KLHL21: variants seen among roughly 807,000 people sequenced by gnomAD.
KLHL21 encodes the protein kelch like family member 21.
KLHL21 carries 42 observed loss-of-function variants against 44.1 expected under a neutral mutation model. That is an observed-to-expected ratio of 0.95 (90% CI 0.74 to 1.23). The LOEUF (loss-of-function observed/expected upper bound fraction) is 1.23. KLHL21 is among the 50% of genes most tolerant of loss of function. The pLI is 0.00. For synonymous variants in KLHL21, 524 were observed against 411.6 expected (o/e 1.27, Z -3.31); for missense variants, 918 against 889.1 (o/e 1.03, Z -0.41).
chr1:6,599,568 C>T, intron 1 of KLHL21, 116 bp from the exon 2 acceptor site: 1 of 1,101,866 alleles, frequency 9.1e-7, no homozygotes, highest in Non-Finnish European at 1.3e-6. Flanking sequence ...CACTGGGCTT[C>T]ACCCCAGACG....
chr1:6,596,674 G>GTGATGA (rs1180332202), intron 2 of KLHL21, among the ~76,000 whole-genome samples: 1 of 152,166 alleles, frequency 6.6e-6, no homozygotes, highest in Non-Finnish European at 1.5e-5. Context: ...TGTGGTGGTG[G>GTGATGA]TGATGATGAT....
chr1:6,594,880 T>C (rs1286532661), intron 3 of KLHL21: 1 of 153,044 alleles, frequency 6.5e-6, no homozygotes, highest in Non-Finnish European at 1.5e-5. Flanking sequence ...ATTTTAAGAA[T>C]ATCCTTTTGT....
At chr1:6,599,748 A>T in intron 1 of KLHL21, 1 of 425,322 alleles carries the variant, frequency 2.4e-6, no homozygotes, top group Non-Finnish European at 4.3e-6. Flanking sequence ...AGCCATACAT[A>T]CACCTCAGCA....
rs894309702 is a variant in KLHL21, at chr1:6,602,286, G to C, written c.532C>G (p.Leu178Val). The C allele has an allele frequency of 3.2e-6, 5 of 1,556,602 alleles. No individual in the cohort carries two copies. The highest frequency in any genetic ancestry group is 2.4e-5 in the East Asian group (1 of 41,664). The change falls in exon 1 of 4, where the codon CTG becomes GTG. Residue 178 changes from leucine (L) to valine (V), a missense_variant. Leu to Val is a conservative substitution (Grantham distance 32, BLOSUM62 1). Transcript: ENST00000377658. The stretch of plus-strand genomic sequence containing the variant: ...CGCAGGTAGCGCAGCAGGCGCGCCA[G>C]TGGCAGCCGCTCCAGCTGCTCGGCG... ...LGAEQLERLP[L>V]ARLLRYLRDD...
In KLHL21 at chr1:6,593,627, C is replaced by G. The variant is rs562159346; in HGVS notation, c.1532G>C (p.Gly511Ala). ...TCCCCCAGAGACGTACAGCTTCCCC[C>G]CAAGGACGGCCAGGCTGCCCCCCAC... is the stretch of plus-strand genomic sequence containing the variant. Reference protein sequence around the residue: ...VHVGGSLAVLGGKLYVSGGYD... With the variant: ...VHVGGSLAVLAGKLYVSGGYD... Residue 511 changes from glycine (G) to alanine (A), a missense_variant, in exon 4 of 4, where the codon GGG becomes GCG. Coordinates refer to ENST00000377658, the MANE Select transcript of KLHL21 (RefSeq NM_014851.4). 5.3e-5 allele frequency: 85 copies of G among 1,592,848 alleles called. No homozygotes were observed. In the Admixed American group the frequency reaches 1.3e-3, roughly 25 times the overall value.
intron 2 of KLHL21, 44 bp from the exon 3 acceptor site, chr1:6,595,601 G>A: frequency 6.5e-7 from 1 of 1,549,022 alleles, no homozygotes; most frequent in South Asian, 1.1e-5. Context: ...GAGCGAGGAG[G>A]AAGTGCACAC....
chr1:6,602,101 C>G lies in KLHL21; in HGVS notation c.717G>C (p.Glu239Asp). 1 of 1,474,444 alleles carries G rather than the reference C, an allele frequency of 6.8e-7. No individual in the cohort carries two copies. Among genetic ancestry groups the G allele is most frequent in the South Asian group, 1.3e-5 (1 of 75,272 alleles). 91.3% of individuals were successfully genotyped at this position (1,474,444 alleles called of 1,614,324 possible). A position where few individuals can be genotyped will look rare whatever the true frequency, so the allele number is the denominator to read the frequency against. The change falls in exon 1 of 4, where the codon GAG becomes GAC. Residue 239 changes from glutamate (E) to aspartate (D), a missense_variant. Transcript: ENST00000377658. ...GGCAGCGCGCCACCAGCGGCTCGGC[C>G]TCGACGTGCGCCAACAGGTAGAAGC... is the stretch of plus-strand genomic sequence containing the variant. Reference protein sequence around the residue: ...VRRFYLLAHVEAEPLVARCPP... With the variant: ...VRRFYLLAHVDAEPLVARCPP...
In KLHL21 at chr1:6,602,271, G is replaced by T. The variant is rs868402259; in HGVS notation, c.547C>A (p.Arg183Ser). 6.4e-7 allele frequency: 1 copy of T among 1,553,626 alleles called. No individual in the cohort carries two copies. Among genetic ancestry groups the T allele is most frequent in the South Asian group, 1.2e-5 (1 of 85,574 alleles). ...LERLPLARLL[R>S]YLRDDGLCVP... The stretch of plus-strand genomic sequence containing the variant: ...CACAGCCCGTCGTCCCGCAGGTAGC[G>T]CAGCAGGCGCGCCAGTGGCAGCCGC... Residue 183 changes from arginine (R) to serine (S), a missense_variant, in exon 1 of 4, where the codon CGC (arginine) becomes AGC (serine). Coordinates refer to ENST00000377658, the MANE Select transcript of KLHL21 (RefSeq NM_014851.4).
Position 6,593,525 on chromosome 1 carries a change from C to T in KLHL21, c.1634G>A (p.Arg545Gln), listed in dbSNP as rs774065064. Residue 545 changes from arginine to glutamine, a missense_variant, in exon 4 of 4, where the codon CGG becomes CAG. Coordinates refer to ENST00000377658, the MANE Select transcript of KLHL21 (RefSeq NM_014851.4). ...ATGCCAGAAGGTGGGTTCTGGGAGC[C>T]GCCCCACCACGCTCCACGCGCGAGT... The part of the protein sequence containing the change: ...PETRAWSVVG[R>Q]LPEPTFWHGS... The T allele has an allele frequency of 6.2e-6, 10 of 1,613,740 alleles. No individual in the cohort carries two copies. The highest frequency in any genetic ancestry group is 2.2e-5 in the East Asian group (1 of 44,898).
At chr1:6,600,787 CA>C (rs1641005574) in intron 1 of KLHL21, among the ~76,000 whole-genome samples, 1 of 152,234 alleles carries the variant, frequency 6.6e-6, no homozygotes, top group South Asian at 2.1e-4. Flanking sequence ...ACACGGTCCC[CA>C]ATCAACTTGG....
At chr1:6,601,677 G>C (rs996219009) in intron 1 of KLHL21, 120 bp downstream of exon 1, 3 of 1,415,706 alleles carry the variant, frequency 2.1e-6, no homozygotes, top group Non-Finnish European at 2.8e-6. Context: ...CAGAGCCCCA[G>C]CTTGGACTCA....
At chr1:6,596,073 C>A (rs1342791117) in intron 2 of KLHL21, among the ~76,000 whole-genome samples, 1 of 152,196 alleles carries the variant, frequency 6.6e-6, no homozygotes. Context: ...TTTATATCCC[C>A]ACAGTAAAAG....
In KLHL21 at chr1:6,593,371, C is replaced by A. The variant is rs771799484; in HGVS notation, c.1788G>T (p.Leu596=). ...RPRPPRDPDE[L]H ...GTGCCGGGCCAGACTGGGGCTAGTG[C>A]AGCTCATCGGGGTCCCGCGGCGGCC... The change falls in exon 4 of 4, where the codon CTG becomes CTT. Residue 596 remains leucine (L), a synonymous_variant. Transcript: ENST00000377658. 24 of 1,590,182 alleles carry A rather than the reference C, an allele frequency of 1.5e-5. No individual in the cohort carries two copies. The highest frequency in any genetic ancestry group is 1.1e-4 in the East Asian group (5 of 44,594).
At chr1:6,596,785 G>A (rs1640933860) in intron 2 of KLHL21, among the ~76,000 whole-genome samples, 1 of 152,206 alleles carries the variant, frequency 6.6e-6, no homozygotes, top group Admixed American at 6.5e-5. Context: ...GGCATTCCCA[G>A]AGGGGGCTAC....
rs928632289 is a variant in KLHL21 at position 6,602,535 on chromosome 1, A to G, written c.283T>C (p.Tyr95His). The change falls in exon 1 of 4, where the codon TAC (tyrosine) becomes CAC (histidine). Residue 95 changes from tyrosine to histidine, a missense_variant. Physicochemically the swap from Tyr to His is moderately conservative, Grantham distance 83 (BLOSUM62 2). Coordinates refer to ENST00000377658, the MANE Select transcript of KLHL21 (RefSeq NM_014851.4). ...DMLQLLLDFSYTGRVAVSGDN... is the reference protein window; with the variant it reads ...DMLQLLLDFSHTGRVAVSGDN... ...CCGCTTACCGCCACGCGGCCCGTGT[A>G]GCTGAAGTCCAGCAGCAGCTGCAGC... 6.5e-7 allele frequency: 1 copy of G among 1,539,748 alleles called. No homozygotes were observed. Among genetic ancestry groups the G allele is most frequent in the African/African-American group, 1.4e-5 (1 of 73,152 alleles).
At chr1:6,594,055 G>A (rs374632254) in intron 3 of KLHL21, 1 of 1,022,886 alleles carries the variant, frequency 9.8e-7, no homozygotes, top group Non-Finnish European at 1.2e-6. Flanking sequence ...TCTGAACCGC[G>A]AGGCTGGATG....
At position 6,593,526 on chromosome 1, in the gene KLHL21, G is replaced by A. The variant is rs760923196; in HGVS notation, c.1633C>T (p.Arg545Trp). The A allele has an allele frequency of 6.2e-6, 10 of 1,613,810 alleles. No individual in the cohort carries two copies. The highest frequency in any genetic ancestry group is 3.3e-5 in the Admixed American group (2 of 60,022). Residue 545 changes from arginine (R) to tryptophan (W), a missense_variant, in exon 4 of 4, where the codon CGG (arginine) becomes TGG (tryptophan). Transcript: ENST00000377658. ...PETRAWSVVG[R>W]LPEPTFWHGS... ...TGCCAGAAGGTGGGTTCTGGGAGCC[G>A]CCCCACCACGCTCCACGCGCGAGTC...
rs1640874512 is a variant in KLHL21, at chr1:6,593,080, G to A, written c.*285C>T. 2 of 455,214 alleles carry A rather than the reference G, an allele frequency of 4.4e-6. No individual in the cohort carries two copies. The highest frequency in any genetic ancestry group is 1.9e-5 in the African/African-American group (1 of 52,036). 28.2% of individuals were successfully genotyped at this position (455,214 alleles called of 1,614,324 possible). A position where few individuals can be genotyped will look rare whatever the true frequency, so the allele number is the denominator to read the frequency against. ...GGCAGGAGGGGTGTGCGCCGCGTGG[G>A]TGAGCTGTGATCCGCGGGGTGGGGG... On this transcript the variant is annotated 3_prime_UTR_variant, in exon 4 of 4. Transcript: ENST00000377658.
At chr1:6,596,849 G>A (rs754488275) in intron 2 of KLHL21, among the ~76,000 whole-genome samples, 5 of 152,352 alleles carry the variant, frequency 3.3e-5, no homozygotes, top group South Asian at 2.1e-4. Context: ...GGGAGGCCCA[G>A]GTCATTTGTG....
Sources: allele counts gnomAD v4.1 joint callset (sites outside exome capture counted in the v4.1 genomes callset), GRCh38; gene constraint gnomAD v4.1.1; transcripts MANE v1.5; gene names NCBI Gene and HGNC (gene_info 2026-07-23, HGNC 2026-07-21).